The following SELENOK variants were observed in gnomAD, a reference collection of about 807,000 sequenced individuals.
SELENOK encodes selenoprotein K.
A neutral mutation model predicts 17.3 loss-of-function variants in SELENOK; 11 were observed. The ratio of observed to expected loss-of-function variants is 0.63; its 90% CI spans 0.40 to 1.05. SELENOK has a LOEUF of 1.05. SELENOK is among the 50% of genes least tolerant of loss of function. The probability of loss-of-function intolerance (pLI) is 0.00; values close to 1 mark genes in which losing one functional copy is unlikely to be tolerated. For missense variants in SELENOK, 125 were observed against 113.9 expected, an observed-to-expected ratio of 1.10 and a Z score of -0.44; for synonymous variants, 45 against 35.4, an observed-to-expected ratio of 1.27 and a Z score of -0.97.
chr3:53,885,606 G>A (rs767233583), intron 4 of SELENOK, 45 bp from the exon 5 acceptor site: 3 of 1,576,400 alleles, frequency 1.9e-6, no homozygotes, highest in Non-Finnish European at 2.6e-6. Context: ...TATTAATTTG[G>A]ATCTGTGTGA....
chr3:53,888,965 G>C (rs1203973127), intron 1 of SELENOK, among the ~76,000 whole-genome samples: 2 of 151,954 alleles, frequency 1.3e-5, no homozygotes, highest in Non-Finnish European at 2.9e-5. Flanking sequence ...GCTGAGGCAG[G>C]AGAATTGCTT....
intron 1 of SELENOK, 125 bp from the exon 2 acceptor site, chr3:53,888,608 C>T (rs1223749310): frequency 1.4e-6 from 1 of 712,420 alleles, no homozygotes; most frequent in Non-Finnish European, 2.5e-6. Flanking sequence ...AAATGGCCAA[C>T]ACCAGAAGAA....
chr3:53,886,481 G>A (rs567950369), intron 3 of SELENOK, among the ~76,000 whole-genome samples: 40 of 152,240 alleles, frequency 2.6e-4, no homozygotes, highest in African/African-American at 8.4e-4. Context: ...TGATCCACCC[G>A]CCTCAGCCTC....
rs1392565201 is a variant in SELENOK, at chr3:53,884,456, T to C, written c.*1102A>G. 1 of 152,248 alleles carries C rather than the reference T, an allele frequency of 6.6e-6. No homozygotes were observed. Among genetic ancestry groups the C allele is most frequent in the African/African-American group, 2.4e-5 (1 of 41,466 alleles). The allele number at this position is 152,248 out of a possible 1,614,324, so 9.4% of individuals were successfully genotyped here. A position where few individuals can be genotyped will look rare whatever the true frequency, so the allele number is the denominator to read the frequency against. On this transcript the variant is annotated 3_prime_UTR_variant, in exon 5 of 5. Transcript: ENST00000495461. ...ATAAATATTTATTTCCAATAAATAC[T>C]ACATGACTATCTTACATGTAGTCAC...
In SELENOK at chr3:53,885,173, AG is replaced by A. The variant is rs1700114885; in HGVS notation, c.*384del. 6.1e-6 allele frequency: 1 copy of A among 165,068 alleles called. No individual in the cohort carries two copies. The highest frequency in any genetic ancestry group is 1.3e-5 in the Non-Finnish European group (1 of 76,684). The allele number at this position is 165,068 out of a possible 1,614,324, so 10.2% of individuals were successfully genotyped here. Reference sequence around the variant, plus strand: ...AAAAGTTAACAATGAACAGTGTTTCAGAAGTTGAAAAGGTGACACTAACAGT... The same window carrying A: ...AAAAGTTAACAATGAACAGTGTTTCAAAGTTGAAAAGGTGACACTAACAGT... On this transcript the variant is annotated 3_prime_UTR_variant, in exon 5 of 5. Transcript: ENST00000495461.
intron 3 of SELENOK, 135 bp downstream of exon 3, chr3:53,886,716 T>G (rs1576873211): frequency 2.0e-6 from 1 of 506,484 alleles, no homozygotes; most frequent in African/African-American, 2.0e-5. Context: ...GACTTTTAAT[T>G]TACAGTAATG....
In SELENOK at chr3:53,886,937, G is replaced by A; in HGVS notation, c.111-3C>T. The A allele has an allele frequency of 1.9e-6, 3 of 1,548,668 alleles. No individual in the cohort carries two copies. Among genetic ancestry groups the A allele is most frequent in the Non-Finnish European group, 2.6e-6 (3 of 1,145,664 alleles). On this transcript the variant is annotated splice_region_variant and splice_polypyrimidine_tract_variant and intron_variant, in intron 2 of 4. Transcript: ENST00000495461. ...CTTGCTGAAGCAGAGTTTTGAAACT[G>A]AAACAAGGGGCAGAAAACAACAAAG...
chr3:53,887,339 T>C (rs1700134951), intron 2 of SELENOK, among the ~76,000 whole-genome samples: 2 of 152,200 alleles, frequency 1.3e-5, no homozygotes, highest in South Asian at 2.1e-4. Context: ...TGGGAATCCA[T>C]TGAAATGGAA....
intron 2 of SELENOK, 171 bp downstream of exon 2, chr3:53,888,222 T>G (rs1311977193): frequency 5.4e-6 from 3 of 559,554 alleles, no homozygotes; most frequent in Non-Finnish European, 3.2e-6. Flanking sequence ...AGCTATCTGG[T>G]GGTAGCAACT....
At chr3:53,889,494 T>C (rs1390521087) in intron 1 of SELENOK, among the ~76,000 whole-genome samples, 1 of 152,254 alleles carries the variant, frequency 6.6e-6, no homozygotes, top group African/African-American at 2.4e-5. Context: ...CTACATTTTG[T>C]TTACCCACTC....
rs375686828 is a variant in SELENOK, at chr3:53,891,779, T to G, written c.10A>C (p.Ile4Leu). Reference sequence around the variant, plus strand: ...CCCGCTCTCAACTTACCGTTCGAGATGTAAACCATCTTGTCCCACTTCCCC... The same window carrying G: ...CCCGCTCTCAACTTACCGTTCGAGAGGTAAACCATCTTGTCCCACTTCCCC... MVY[I>L]SNGQVLDSRS... Residue 4 changes from isoleucine to leucine, a missense_variant, in exon 1 of 5, where the codon ATC becomes CTC. Transcript: ENST00000495461. 6.2e-7 allele frequency: 1 copy of G among 1,614,002 alleles called. No homozygotes were observed. The highest frequency in any genetic ancestry group is 1.7e-5 in the Admixed American group (1 of 60,026).
intron 2 of SELENOK, chr3:53,888,111 G>A (rs1050405493): frequency 4.2e-6 from 1 of 240,302 alleles, no homozygotes; most frequent in Non-Finnish European, 7.9e-6. Context: ...CAGTCATTTA[G>A]CATCAGAATT....
At chr3:53,891,470 G>A (rs1413598755) in intron 1 of SELENOK, among the ~76,000 whole-genome samples, 1 of 152,190 alleles carries the variant, frequency 6.6e-6, no homozygotes, top group Non-Finnish European at 1.5e-5. Flanking sequence ...ACCGACACCC[G>A]AGAGAGGAAA....
Position 53,885,534 on chromosome 3 carries a change from T to C in SELENOK, c.*24A>G. 5 of 1,607,724 alleles carry C rather than the reference T, an allele frequency of 3.1e-6. No homozygotes were observed. The highest frequency in any genetic ancestry group is 4.2e-6 in the Non-Finnish European group (5 of 1,177,314). ...TTCTGCTATGAATGCGCATGTCCGGTTGTCTGCTTCTTAGAGCAGACATTT... is the reference window on the plus strand; with the variant it reads ...TTCTGCTATGAATGCGCATGTCCGGCTGTCTGCTTCTTAGAGCAGACATTT... On this transcript the variant is annotated 3_prime_UTR_variant, in exon 5 of 5. Transcript: ENST00000495461.
At chr3:53,891,638 C>T in intron 1 of SELENOK, 132 bp downstream of exon 1, 1 of 1,250,008 alleles carries the variant, frequency 8.0e-7, no homozygotes, top group African/African-American at 1.5e-5. Context: ...TTCGGTCCAG[C>T]TCCGCCCGGC....
At chr3:53,889,364 C>T (rs537180749) in intron 1 of SELENOK, among the ~76,000 whole-genome samples, 2 of 152,320 alleles carry the variant, frequency 1.3e-5, no homozygotes, top group South Asian at 2.1e-4. Flanking sequence ...AAGAATAATA[C>T]AATTTCTATC....
chr3:53,885,582 A>C (rs1700119217), intron 4 of SELENOK, 21 bp from the exon 5 acceptor site: 1 of 1,607,030 alleles, frequency 6.2e-7, no homozygotes, highest in Non-Finnish European at 8.5e-7. Flanking sequence ...ATGTTACAAT[A>C]ATTAGTTACT....
Position 53,888,467 on chromosome 3 carries a change from GC to G in SELENOK, c.35del (p.Ser12ThrfsTer11), listed in dbSNP as rs1220961389. 6.2e-7 allele frequency: 1 copy of G among 1,610,046 alleles called. No homozygotes were observed. Among genetic ancestry groups the G allele is most frequent in the Non-Finnish European group, 8.5e-7 (1 of 1,178,462 alleles). ...ATAATCTCCATGGAGACTGACTCCG[GC>G]TGTCCAACACTTGTCCTACAGATAA... ...VYISNGQVLD[S>X]RSQSPWRLSL... On this transcript the variant is annotated frameshift_variant, in exon 2 of 5. Coordinates refer to ENST00000495461, the MANE Select transcript of SELENOK (RefSeq NM_021237.5). LOFTEE classifies it high-confidence loss of function.
chr3:53,885,501 T>A lies in SELENOK; in HGVS notation c.*57A>T. ...TCATGGTCAGCCTTCCACTTCTTGA[T>A]GGTTTCCTTCTGCTATGAATGCGCA... is the stretch of plus-strand genomic sequence containing the variant. On this transcript the variant is annotated 3_prime_UTR_variant, in exon 5 of 5. Coordinates refer to ENST00000495461, the MANE Select transcript of SELENOK (RefSeq NM_021237.5). 6.3e-7 allele frequency: 1 copy of A among 1,577,162 alleles called. No individual in the cohort carries two copies. The highest frequency in any genetic ancestry group is 8.7e-7 in the Non-Finnish European group (1 of 1,154,520).
Sources: allele counts gnomAD v4.1 joint callset (sites outside exome capture counted in the v4.1 genomes callset), GRCh38; gene constraint gnomAD v4.1.1; transcripts MANE v1.5; gene names NCBI Gene and HGNC (gene_info 2026-07-23, HGNC 2026-07-21).